Variants in TNFAIP8 observed in about 807,000 individuals in gnomAD.
TNFAIP8 encodes the protein TNF alpha induced protein 8.
Under a neutral mutation model 13.3 loss-of-function variants are expected in TNFAIP8, and 7 were observed. That is an observed-to-expected ratio of 0.52 (90% confidence interval 0.30 to 0.99). The LOEUF (loss-of-function observed/expected upper bound fraction) is 0.99, where lower values mean the gene tolerates loss of function less well. TNFAIP8 is among the 50% of genes least tolerant of loss of function. TNFAIP8 has a pLI of 0.07. For missense variants in TNFAIP8, 258 were observed against 236.9 expected (o/e 1.09, Z -0.58); for synonymous variants, 94 against 87.6 (o/e 1.07, Z -0.41).
intron 1 of TNFAIP8, among the ~76,000 whole-genome samples, chr5:119,324,120 C>A (rs1027335168): frequency 7.9e-5 from 12 of 151,120 alleles, no homozygotes; most frequent in African/African-American, 2.9e-4. Flanking sequence ...ACCAAAAATT[C>A]AAAAATTAGC....
chr5:119,283,788 C>T (rs1251237014), intron 1 of TNFAIP8, among the ~76,000 whole-genome samples: 1 of 152,134 alleles, frequency 6.6e-6, no homozygotes, highest in African/African-American at 2.4e-5. Flanking sequence ...TGTAGTTTTT[C>T]AGGTCACAAT....
intron 1 of TNFAIP8, among the ~76,000 whole-genome samples, chr5:119,300,970 A>G (rs34016408): frequency 0.035 from 5,267 of 152,300 alleles, 145 homozygotes; most frequent in African/African-American, 0.078. Context: ...GGTGCCTCAC[A>G]CTAAAAGCAT....
chr5:119,302,420 T>C (rs1440989106), intron 1 of TNFAIP8, among the ~76,000 whole-genome samples: 1 of 152,182 alleles, frequency 6.6e-6, no homozygotes, highest in Non-Finnish European at 1.5e-5. Flanking sequence ...AATCCCATTT[T>C]CTCCTCTGCT....
At position 119,396,048 on chromosome 5, in the gene TNFAIP8, T is replaced by G. The variant is rs1753064984; in HGVS notation, c.*2667T>G. 1 of 152,188 alleles carries G rather than the reference T, an allele frequency of 6.6e-6. No individual in the cohort carries two copies. Among genetic ancestry groups the G allele is most frequent in the Admixed American group, 6.5e-5 (1 of 15,282 alleles). 9.4% of individuals were successfully genotyped at this position (152,188 alleles called of 1,614,324 possible). A position where few individuals can be genotyped will look rare whatever the true frequency, so the allele number is the denominator to read the frequency against. On this transcript the variant is annotated 3_prime_UTR_variant, in exon 2 of 2. Transcript: ENST00000504771. ...TAACTCATTTAATTCTGCCACAATC[T>G]TCACCATCTTATAGATAAGGAAACT...
intron 1 of TNFAIP8, among the ~76,000 whole-genome samples, chr5:119,367,424 G>A (rs971021304): frequency 1.3e-5 from 2 of 152,202 alleles, no homozygotes; most frequent in African/African-American, 4.8e-5. Flanking sequence ...GTTATATTTG[G>A]TAGTGGTACT....
intron 1 of TNFAIP8, among the ~76,000 whole-genome samples, chr5:119,365,238 T>C (rs1269029075): frequency 6.6e-6 from 1 of 152,188 alleles, no homozygotes; most frequent in Non-Finnish European, 1.5e-5. Context: ...AGTGCATGTC[T>C]TAGAATACCA....
upstream of TNFAIP8, chr5:119,355,504 T>G (rs1054520333): frequency 3.4e-6 from 2 of 589,478 alleles, no homozygotes; most frequent in African/African-American, 3.8e-5. Flanking sequence ...CATGCGACTT[T>G]CCTACAAAAA....
At chr5:119,386,183 A>G (rs1752663191) in intron 1 of TNFAIP8, among the ~76,000 whole-genome samples, 1 of 152,232 alleles carries the variant, frequency 6.6e-6, no homozygotes, top group Non-Finnish European at 1.5e-5. Flanking sequence ...GTTACAAGGT[A>G]TGTTTTTTAA....
intron 1 of TNFAIP8, among the ~76,000 whole-genome samples, chr5:119,312,422 A>G (rs1749757967): frequency 6.6e-6 from 1 of 152,218 alleles, no homozygotes. Context: ...AGTGCTCACC[A>G]TATTTTAATT....
chr5:119,269,041 G>A (rs1441217655), intron 1 of TNFAIP8: 6 of 589,592 alleles, frequency 1.0e-5, no homozygotes, highest in African/African-American at 2.0e-5. Context: ...GTGTGAGTGG[G>A]TGCGTTTGAA....
At position 119,393,558 on chromosome 5, in the gene TNFAIP8, T is replaced by A; in HGVS notation, c.*177T>A. ...GGCTTGTTTTATTTGAAGAAAAGCA[T>A]ATTGCCAAAAATTCTGGTTAAAAGC... is the stretch of plus-strand genomic sequence containing the variant. On this transcript the variant is annotated 3_prime_UTR_variant, in exon 2 of 2. Coordinates refer to ENST00000504771, the MANE Select transcript of TNFAIP8 (RefSeq NM_014350.4). 1.4e-6 allele frequency: 1 copy of A among 720,474 alleles called. No homozygotes were observed. The highest frequency in any genetic ancestry group is 2.2e-6 in the Non-Finnish European group (1 of 458,196). The allele number at this position is 720,474 out of a possible 1,614,324, so 44.6% of individuals were successfully genotyped here. A position where few individuals can be genotyped will look rare whatever the true frequency, so the allele number is the denominator to read the frequency against.
At chr5:119,288,869 A>G (rs1209490310) in intron 1 of TNFAIP8, among the ~76,000 whole-genome samples, 1 of 152,260 alleles carries the variant, frequency 6.6e-6, no homozygotes, top group Admixed American at 6.5e-5. Flanking sequence ...TAAACTGCAC[A>G]GAATTATAAC....
chr5:119,346,493 T>C (rs1422827885), intron 1 of TNFAIP8, among the ~76,000 whole-genome samples: 2 of 152,182 alleles, frequency 1.3e-5, no homozygotes, highest in Non-Finnish European at 2.9e-5. Flanking sequence ...CTTCACATAG[T>C]GAGTAATGAA....
At chr5:119,381,529 A>C (rs572672128) in intron 1 of TNFAIP8, among the ~76,000 whole-genome samples, 6 of 152,076 alleles carry the variant, frequency 3.9e-5, no homozygotes, top group South Asian at 4.2e-4. Context: ...ACAGAGCAAG[A>C]CCCTGTCTCA....
intron 1 of TNFAIP8, among the ~76,000 whole-genome samples, chr5:119,291,232 C>A (rs1453528263): frequency 6.6e-6 from 1 of 152,180 alleles, no homozygotes; most frequent in Non-Finnish European, 1.5e-5. Context: ...GCTATAGGGC[C>A]ATGTCTTTAT....
chr5:119,303,123 G>A (rs766388435), intron 1 of TNFAIP8, among the ~76,000 whole-genome samples: 5 of 152,236 alleles, frequency 3.3e-5, no homozygotes, highest in Non-Finnish European at 5.9e-5. Flanking sequence ...CCAGAGCCTG[G>A]TTTCCCCACA....
intron 1 of TNFAIP8, among the ~76,000 whole-genome samples, chr5:119,291,822 G>A (rs949649242): frequency 1.3e-5 from 2 of 152,168 alleles, no homozygotes; most frequent in Non-Finnish European, 1.5e-5. Flanking sequence ...TTTCAAACTA[G>A]CAAAGACATT....
At chr5:119,271,783 A>C (rs1378467739) in intron 1 of TNFAIP8, among the ~76,000 whole-genome samples, 1 of 152,192 alleles carries the variant, frequency 6.6e-6, no homozygotes, top group Non-Finnish European at 1.5e-5. Context: ...TGCCAGATTA[A>C]CTTTTATCAC....
intron 1 of TNFAIP8, among the ~76,000 whole-genome samples, chr5:119,317,963 G>T (rs1323703206): frequency 6.6e-6 from 1 of 152,116 alleles, no homozygotes; most frequent in Non-Finnish European, 1.5e-5. Flanking sequence ...CAGAGTGTGG[G>T]ACACATAAAA....
Sources: gnomAD v4.1 joint callset for allele counts (sites outside exome capture counted in the v4.1 genomes callset) on GRCh38, gnomAD v4.1.1 for gene constraint, MANE v1.5 for transcripts, NCBI Gene and HGNC (gene_info 2026-07-23, HGNC 2026-07-21) for gene names.